ADAMDEC1: variants seen among roughly 807,000 people sequenced by gnomAD.
The protein encoded by ADAMDEC1 is ADAM like decysin 1, also known as ADAM DEC1.
In ADAMDEC1, 62 loss-of-function variants were observed where a neutral mutation model predicts 60.4. That is an observed-to-expected ratio of 1.03 (90% confidence interval 0.84 to 1.27). The LOEUF (loss-of-function observed/expected upper bound fraction) is 1.27, where lower values mean the gene tolerates loss of function less well. ADAMDEC1 is among the 50% of genes most tolerant of loss of function. The probability of loss-of-function intolerance (pLI) is 0.00; values close to 1 mark genes in which losing one functional copy is unlikely to be tolerated. For missense variants in ADAMDEC1, 595 were observed against 565.0 expected (o/e 1.05, Z -0.54); for synonymous variants, 210 against 195.1 (o/e 1.08, Z -0.64).
intron 2 of ADAMDEC1, 36 bp downstream of exon 2, chr8:24,392,416 T>A (rs1164240366): frequency 2.0e-6 from 3 of 1,464,722 alleles, no homozygotes; most frequent in Non-Finnish European, 2.8e-6. Flanking sequence ...GATGTTACAA[T>A]CATCCAAAGA....
chr8:24,388,850 T>G (rs11777553), intron 1 of ADAMDEC1, among the ~76,000 whole-genome samples: 3 of 152,240 alleles, frequency 2.0e-5, no homozygotes, highest in Admixed American at 6.5e-5. Flanking sequence ...GGCTAAAAGA[T>G]CCAGTTTCTT....
rs537713764 is a variant in ADAMDEC1, at chr8:24,398,055, A to G, written c.690+310A>G. ...ACTTTATATCTTAATATAAAATTAA[A>G]TATATTTAATATAAATATTATATCA... On this transcript the variant is annotated intron_variant, in intron 7 of 13. Coordinates refer to ENST00000256412, the MANE Select transcript of ADAMDEC1 (RefSeq NM_014479.3). Among the ~76,000 whole-genome samples, 998 of 150,060 alleles carry G rather than the reference A, an allele frequency of 6.7e-3. 12 individuals carry two copies. Among genetic ancestry groups the G allele is most frequent in the African/African-American group, 0.023 (949 of 41,270 alleles).
intron 11 of ADAMDEC1, 43 bp downstream of exon 11, chr8:24,400,343 T>G: frequency 1.3e-6 from 2 of 1,555,410 alleles, no homozygotes; most frequent in Non-Finnish European, 1.7e-6. Flanking sequence ...ATTTTCCAAA[T>G]CTTTTTTTTT....
In ADAMDEC1 at chr8:24,397,345, C is replaced by A. The variant is rs748345300; in HGVS notation, c.516C>A (p.Val172=). 1 of 1,614,046 alleles carries A rather than the reference C, an allele frequency of 6.2e-7. No individual in the cohort carries two copies. The highest frequency in any genetic ancestry group is 1.7e-5 in the Admixed American group (1 of 60,022). Reference sequence around the variant, plus strand: ...GCACAGACGAGAAAGAACATGCCGTCTTTACATCTAACCAGGAGGAACAAG... The same window carrying A: ...GCACAGACGAGAAAGAACATGCCGTATTTACATCTAACCAGGAGGAACAAG... ...LKSTDEKEHA[V]FTSNQEEQDP... The change falls in exon 6 of 14, where the codon GTC becomes GTA. Residue 172 remains valine (V), a synonymous_variant. Transcript: ENST00000256412.
Position 24,395,652 on chromosome 8 carries a change from T to C in ADAMDEC1, c.364-68T>C, listed in dbSNP as rs150746859. Reference sequence around the variant, plus strand: ...TACATGTATTCTCATAGTTTATACATTACACACACACTCACATACACACAC... The same window carrying C: ...TACATGTATTCTCATAGTTTATACACTACACACACACTCACATACACACAC... On this transcript the variant is annotated intron_variant, in intron 4 of 13. Coordinates refer to ENST00000256412, the MANE Select transcript of ADAMDEC1 (RefSeq NM_014479.3). The C allele has an allele frequency of 2.1e-3, 2,220 of 1,034,940 alleles. 39 individuals are homozygous for C. The African/African-American group carries it at 0.032, about 15-fold the overall frequency. 64.1% of individuals were successfully genotyped at this position (1,034,940 alleles called of 1,614,324 possible). A position where few individuals can be genotyped will look rare whatever the true frequency, so the allele number is the denominator to read the frequency against.
At chr8:24,399,553 CA>C in intron 10 of ADAMDEC1, 79 bp downstream of exon 10, 2 of 1,142,160 alleles carry the variant, frequency 1.8e-6, no homozygotes, top group Non-Finnish European at 2.7e-6. Flanking sequence ...ATAGAATGAG[CA>C]AAATGAACAT....
At chr8:24,388,793 C>T (rs77837713) in intron 1 of ADAMDEC1, among the ~76,000 whole-genome samples, 3,540 of 152,212 alleles carry the variant, frequency 0.023, 131 homozygotes, top group African/African-American at 0.082. Context: ...GGCAGGTCTA[C>T]GCAAATCTGC....
At chr8:24,389,374 T>C (rs1241149073) in intron 1 of ADAMDEC1, among the ~76,000 whole-genome samples, 3 of 152,170 alleles carry the variant, frequency 2.0e-5, no homozygotes, top group Admixed American at 6.6e-5. Flanking sequence ...ACCAATTCTA[T>C]TGATTTCACC....
Position 24,398,942 on chromosome 8 carries a change from A to G in ADAMDEC1, c.831A>G (p.Ile277Met). Residue 277 changes from isoleucine to methionine, a missense_variant, in exon 9 of 14, where the codon ATA becomes ATG. Ile to Met is a conservative substitution (Grantham distance 10). Transcript: ENST00000256412. ...AAATCTGGTCTGATGGGGATAAGAT[A>G]AAGGTGGTGCCCAGCGCAAGCACCA... ...GMEIWSDGDK[I>M]KVVPSASTTF... 1.2e-6 allele frequency: 2 copies of G among 1,613,892 alleles called. No homozygotes were observed. The highest frequency in any genetic ancestry group is 1.7e-6 in the Non-Finnish European group (2 of 1,179,890).
chr8:24,400,292 G>T lies in ADAMDEC1; in HGVS notation c.1134G>T (p.Gln378His). 2 of 1,600,014 alleles carry T rather than the reference G, an allele frequency of 1.2e-6. No homozygotes were observed. Among genetic ancestry groups the T allele is most frequent in the South Asian group, 1.1e-5 (1 of 87,256 alleles). ...KCPSGSCVMNQYLSSKFPKDF... is the reference protein window; with the variant it reads ...KCPSGSCVMNHYLSSKFPKDF... ...CCTCTGGCAGTTGTGTGATGAATCA[G>T]TATCTGAGGTGAGACCTTGTCATCC... The change falls in exon 11 of 14, where the codon CAG becomes CAT. Residue 378 changes from glutamine (Q) to histidine (H), a missense_variant. Coordinates refer to ENST00000256412, the MANE Select transcript of ADAMDEC1 (RefSeq NM_014479.3).
intron 4 of ADAMDEC1, among the ~76,000 whole-genome samples, chr8:24,394,770 T>A (rs1817562198): frequency 6.6e-6 from 1 of 152,200 alleles, no homozygotes; most frequent in African/African-American, 2.4e-5. Context: ...CACAGAATGG[T>A]TCTTTGTTCC....
intron 11 of ADAMDEC1, 54 bp downstream of exon 11, chr8:24,400,354 T>C (rs896334628): frequency 8.5e-6 from 13 of 1,527,918 alleles, no homozygotes; most frequent in Non-Finnish European, 8.8e-6. Flanking sequence ...CTTTTTTTTT[T>C]CTGAAGACAC....
Position 24,402,035 on chromosome 8 carries a change from A to G in ADAMDEC1, c.1263A>G (p.Pro421=). Residue 421 remains proline (P), a synonymous_variant, in exon 12 of 14, where the codon CCA becomes CCG. Transcript: ENST00000256412. ...APIPTNIMTT[P]VCGNHLLEVG... ...TTCCTACAAATATAATGACAACACCAGTGTGTGGGAACCACCTTCTAGAAG... is the reference window on the plus strand; with the variant it reads ...TTCCTACAAATATAATGACAACACCGGTGTGTGGGAACCACCTTCTAGAAG... 6.2e-7 allele frequency: 1 copy of G among 1,613,206 alleles called. No homozygotes were observed. The highest frequency in any genetic ancestry group is 8.5e-7 in the Non-Finnish European group (1 of 1,179,352).
intron 1 of ADAMDEC1, among the ~76,000 whole-genome samples, chr8:24,391,006 T>C (rs1817432560): frequency 6.6e-6 from 1 of 152,154 alleles, no homozygotes; most frequent in Admixed American, 6.5e-5. Context: ...TCCAAGCGCA[T>C]GGCTTTTTCC....
chr8:24,395,263 T>C (rs1306020359), intron 4 of ADAMDEC1, among the ~76,000 whole-genome samples: 1 of 152,220 alleles, frequency 6.6e-6, no homozygotes, highest in African/African-American at 2.4e-5. Flanking sequence ...ATGTCTCATT[T>C]TACTTATTTG....
chr8:24,391,198 TCTC>T (rs1345683854), intron 1 of ADAMDEC1, among the ~76,000 whole-genome samples: 1 of 152,052 alleles, frequency 6.6e-6, no homozygotes, highest in Non-Finnish European at 1.5e-5. Context: ...AGGTATAAAA[TCTC>T]CTGTTTTCCC....
intron 8 of ADAMDEC1, 89 bp from the exon 9 acceptor site, chr8:24,398,785 C>G: frequency 1.5e-6 from 2 of 1,337,038 alleles, no homozygotes; most frequent in South Asian, 2.6e-5. Context: ...TGTAGTCCAT[C>G]ACTTTATCTA....
chr8:24,403,186 T>A (rs778258529), intron 12 of ADAMDEC1, among the ~76,000 whole-genome samples: 1 of 152,122 alleles, frequency 6.6e-6, no homozygotes, highest in Non-Finnish European at 1.5e-5. Flanking sequence ...TTGATTTTTT[T>A]CTTATGTAAT....
At chr8:24,386,553 C>T (rs1374634376) in intron 1 of ADAMDEC1, among the ~76,000 whole-genome samples, 1 of 152,164 alleles carries the variant, frequency 6.6e-6, no homozygotes, top group African/African-American at 2.4e-5. Context: ...CCTATATGAT[C>T]AGCCTTACCT....
Sources: allele counts gnomAD v4.1 joint callset (sites outside exome capture counted in the v4.1 genomes callset), GRCh38; gene constraint gnomAD v4.1.1; transcripts MANE v1.5; gene names NCBI Gene and HGNC (gene_info 2026-07-23, HGNC 2026-07-21).